The following TRIML2 variants were observed in gnomAD, a reference collection of about 807,000 sequenced individuals.
TRIML2 encodes the protein tripartite motif family like 2, also known as probable E3 ubiquitin-protein ligase TRIML2.
A neutral mutation model predicts 31.2 loss-of-function variants in TRIML2; 28 were observed. The observed-to-expected ratio is 0.90, with a 90% CI of 0.66 to 1.23. The LOEUF (loss-of-function observed/expected upper bound fraction) is 1.23, where lower values mean the gene tolerates loss of function less well. Among genes scored for constraint, TRIML2 ranks in the 50% most tolerant of loss-of-function variants. TRIML2 has a pLI of 0.00. For missense variants in TRIML2, 536 were observed against 528.3 expected (o/e 1.01, Z -0.14); for synonymous variants, 187 against 197.5 (o/e 0.95, Z 0.45).
At chr4:188,097,251 C>A in intron 6 of TRIML2, 73 bp downstream of exon 6, 1 of 1,596,154 alleles carries the variant, frequency 6.3e-7, no homozygotes, top group East Asian at 2.2e-5. Flanking sequence ...CCAGCAAATG[C>A]AATCTCCCTA....
chr4:188,093,692 A>G (rs1733367414), intron 7 of TRIML2, among the ~76,000 whole-genome samples: 1 of 152,166 alleles, frequency 6.6e-6, no homozygotes, highest in Admixed American at 6.6e-5. Context: ...TGAAGAAACA[A>G]CAGGAGTATC....
intron 5 of TRIML2, among the ~76,000 whole-genome samples, chr4:188,098,027 C>G (rs1460290589): frequency 1.3e-5 from 2 of 150,058 alleles, no homozygotes; most frequent in Non-Finnish European, 2.9e-5. Flanking sequence ...GAGGCTGAGG[C>G]AGGAGAATCG....
chr4:188,104,524 A>G (rs1235753616), intron 3 of TRIML2, among the ~76,000 whole-genome samples: 7 of 151,704 alleles, frequency 4.6e-5, no homozygotes, highest in Non-Finnish European at 1.0e-4. Flanking sequence ...AACCACACCC[A>G]GCTAATTTTT....
In TRIML2 at chr4:188,091,494, C is replaced by A; in HGVS notation, c.1193G>T (p.Cys398Phe). 6.2e-7 allele frequency: 1 copy of A among 1,614,104 alleles called. No homozygotes were observed. The highest frequency in any genetic ancestry group is 8.5e-7 in the Non-Finnish European group (1 of 1,180,044). ...AGGCCTGAGAGCTCCTTGGAAGGCG[C>A]AATGGGAGAAATTGTAAATGAGGGA... ...EMSLIYNFSH[C>F]AFQGALRPVF... Residue 398 changes from cysteine (C) to phenylalanine (F), a missense_variant, in exon 8 of 8, where the codon TGC becomes TTC. Transcript: ENST00000682553.
At chr4:188,098,537 T>G in intron 5 of TRIML2, 1 of 195,660 alleles carries the variant, frequency 5.1e-6, no homozygotes, top group Non-Finnish European at 1.1e-5. Flanking sequence ...ATCTCACCCT[T>G]GTTTCAAGAT....
rs766977275 is a variant in TRIML2 at position 188,091,632 on chromosome 4, A to C, written c.1055T>G (p.Leu352Arg). 2.5e-6 allele frequency: 4 copies of C among 1,614,120 alleles called. No homozygotes were observed. In the Admixed American group the frequency reaches 6.7e-5, roughly 27 times the overall value. ...TGSVMGTEWT[L>R]WVFPPLKRLF... ...CCTTTTCAGAGGGGGGAAGACCCAG[A>C]GAGTCCACTCGGTCCCCATCACCGA... Residue 352 changes from leucine to arginine, a missense_variant, in exon 8 of 8, where the codon CTC becomes CGC. Leu to Arg is a moderately radical substitution (Grantham distance 102). Transcript: ENST00000682553.
At chr4:188,102,127 CT>C (rs1454827552) in intron 3 of TRIML2, among the ~76,000 whole-genome samples, 1 of 116,028 alleles carries the variant, frequency 8.6e-6, no homozygotes, top group African/African-American at 3.3e-5. Flanking sequence ...GAGACTCCAT[CT>C]TAAAAAAAAA....
At chr4:188,107,980 C>T (rs1734106432) in intron 1 of TRIML2, among the ~76,000 whole-genome samples, 1 of 152,146 alleles carries the variant, frequency 6.6e-6, no homozygotes, top group African/African-American at 2.4e-5. Context: ...CACTGAGTCA[C>T]CAAAACAAAG....
At chr4:188,101,353 A>G (rs142123162) in intron 3 of TRIML2, 103 bp from the exon 4 acceptor site, 6,694 of 623,560 alleles carry the variant, frequency 0.011, 70 homozygotes, top group Admixed American at 0.018. Context: ...ATAGATATAT[A>G]TATCTTACAC....
chr4:188,104,125 A>C (rs892013375), intron 3 of TRIML2, among the ~76,000 whole-genome samples: 1 of 152,132 alleles, frequency 6.6e-6, no homozygotes, highest in African/African-American at 2.4e-5. Flanking sequence ...TGGCAACCAG[A>C]AGTACAAGAG....
chr4:188,103,453 T>C (rs1174697197), intron 3 of TRIML2, among the ~76,000 whole-genome samples: 1 of 152,116 alleles, frequency 6.6e-6, no homozygotes, highest in Non-Finnish European at 1.5e-5. Flanking sequence ...ACTGACCGCC[T>C]TCTTCTGATC....
intron 4 of TRIML2, among the ~76,000 whole-genome samples, chr4:188,100,191 AATGTT>A (rs1403091641): frequency 6.6e-6 from 1 of 152,162 alleles, no homozygotes; most frequent in Non-Finnish European, 1.5e-5. Context: ...TCTTGCTATG[AATGTT>A]ATAATTGTAA....
At chr4:188,103,828 G>T (rs1316525490) in intron 3 of TRIML2, among the ~76,000 whole-genome samples, 1 of 152,124 alleles carries the variant, frequency 6.6e-6, no homozygotes, top group Admixed American at 6.6e-5. Flanking sequence ...TGGGATCTCA[G>T]TATTTGCTGA....
rs771754468 is a variant in TRIML2, at chr4:188,101,218, C to T, written c.318G>A (p.Glu106=). 17 of 1,611,914 alleles carry T rather than the reference C, an allele frequency of 1.1e-5. No homozygotes were observed. Among genetic ancestry groups the T allele is most frequent in the Middle Eastern group, 1.6e-4 (1 of 6,074 alleles). ...ACCGGAGTCTCATACTATACTCAGACTCAATCATCTTTTTAAAATTTTGTT... is the reference window on the plus strand; with the variant it reads ...ACCGGAGTCTCATACTATACTCAGATTCAATCATCTTTTTAAAATTTTGTT... ...EEEQNFKKMI[E]SEYSMRLRLL... The change falls in exon 4 of 8, where the codon GAG becomes GAA. Residue 106 remains glutamate, a synonymous_variant. Coordinates refer to ENST00000682553, the MANE Select transcript of TRIML2 (RefSeq NM_173553.4).
At chr4:188,103,761 T>G (rs1037087149) in intron 3 of TRIML2, among the ~76,000 whole-genome samples, 4 of 151,976 alleles carry the variant, frequency 2.6e-5, no homozygotes, top group Admixed American at 1.3e-4. Context: ...GCAGAGCTGG[T>G]TTTTTTTGTT....
At chr4:188,100,364 T>C (rs1465016824) in intron 4 of TRIML2, among the ~76,000 whole-genome samples, 2 of 152,112 alleles carry the variant, frequency 1.3e-5, no homozygotes, top group Non-Finnish European at 2.9e-5. Flanking sequence ...AAGCAGCAGG[T>C]CGTAGGCCAC....
intron 5 of TRIML2, chr4:188,098,619 ATG>A (rs1733633587): frequency 5.0e-6 from 1 of 201,140 alleles, no homozygotes; most frequent in Non-Finnish European, 1.0e-5. Context: ...ACACATGTAT[ATG>A]TGTGTGTATA....
At position 188,104,931 on chromosome 4, in the gene TRIML2, T is replaced by C. The variant is rs113404223; in HGVS notation, c.191A>G (p.Lys64Arg). The C allele has an allele frequency of 1.8e-3, 2,923 of 1,612,424 alleles. 59 individuals are homozygous for C. The African/African-American group carries it at 0.035, about 19-fold the overall frequency. The change falls in exon 3 of 8, where the codon AAG becomes AGG. Residue 64 changes from lysine to arginine, a missense_variant and splice_region_variant. By Grantham distance (26) the Lys-to-Arg change is conservative (BLOSUM62 2). Transcript: ENST00000682553. ...GIQEAAENYR[K>R]LFQEILNTSR... The stretch of plus-strand genomic sequence containing the variant: ...TGTGTTCAATATTTCCTGGAATAAC[T>C]TCTATAGAGAAAGCACAGAATTCCA...
chr4:188,091,675 T>C lies in TRIML2; in HGVS notation c.1012A>G (p.Lys338Glu), dbSNP rs138509054. Residue 338 changes from lysine to glutamate, a missense_variant, in exon 8 of 8, where the codon AAA (lysine) becomes GAA (glutamate). Lys to Glu is a moderately conservative substitution (Grantham distance 56). Coordinates refer to ENST00000682553, the MANE Select transcript of TRIML2 (RefSeq NM_173553.4). ...ATCACCGACCCCGTGAGCAAGACTT[T>C]CTCTCCGGAAGCTCTGGCCGTGCTG... ...KGSTARASGE[K>E]VLLTGSVMGT... 3.2e-5 allele frequency: 52 copies of C among 1,613,010 alleles called. No individual in the cohort carries two copies. Among genetic ancestry groups the C allele is most frequent in the Non-Finnish European group, 3.8e-5 (45 of 1,179,216 alleles).
Sources: gnomAD v4.1 joint callset for allele counts (sites outside exome capture counted in the v4.1 genomes callset) on GRCh38, gnomAD v4.1.1 for gene constraint, MANE v1.5 for transcripts, NCBI Gene and HGNC (gene_info 2026-07-23, HGNC 2026-07-21) for gene names.